FANCI: variants seen among roughly 807,000 people sequenced by gnomAD.
FANCI encodes the protein Fanconi anemia group I protein.
FANCI carries 156 observed loss-of-function variants against 176.1 expected under a neutral mutation model. The observed-to-expected ratio is 0.89, with a 90% confidence interval of 0.78 to 1.01. The LOEUF (loss-of-function observed/expected upper bound fraction) is 1.01, where lower values mean the gene tolerates loss of function less well. FANCI is among the 50% of genes least tolerant of loss of function. FANCI has a pLI of 0.00. For missense variants in FANCI, 1,678 were observed against 1,534.1 expected (o/e 1.09, Z -1.57); for synonymous variants, 613 against 541.7 (o/e 1.13, Z -1.83).
chr15:89,313,926 C>CACACACACACACACACAT, intron 35 of FANCI, among the ~76,000 whole-genome samples: 1 of 146,644 alleles, frequency 6.8e-6, no homozygotes, highest in East Asian at 2.0e-4. Context: ...CACACACACA[C>CACACACACACACACACAT]GTAGGACCTA....
chr15:89,297,765 GGGGAGA>G (rs1391053651), intron 24 of FANCI, among the ~76,000 whole-genome samples: 17 of 149,616 alleles, frequency 1.1e-4, no homozygotes, highest in African/African-American at 2.5e-4. Context: ...GGGAGACCGT[GGGGAGA>G]GGGAGGGGGA....
chr15:89,295,550 C>T (rs1226458724), intron 24 of FANCI, among the ~76,000 whole-genome samples: 2 of 152,058 alleles, frequency 1.3e-5, no homozygotes, highest in Non-Finnish European at 2.9e-5. Flanking sequence ...CCTGTCATAC[C>T]AGCTACTCGG....
At chr15:89,271,473 GTA>G (rs1238062231) in intron 10 of FANCI, among the ~76,000 whole-genome samples, 2 of 152,042 alleles carry the variant, frequency 1.3e-5, no homozygotes, top group Non-Finnish European at 2.9e-5. Flanking sequence ...GTGTTGTAGC[GTA>G]TGTCAGTATT....
At chr15:89,293,479 G>T (rs1329649863) in intron 22 of FANCI, among the ~76,000 whole-genome samples, 1 of 152,146 alleles carries the variant, frequency 6.6e-6, no homozygotes, top group East Asian at 1.9e-4. Context: ...TTGAGGTCAG[G>T]AGTTCAAGAC....
chr15:89,283,041 T>G (rs2053675317), intron 16 of FANCI, 95 bp from the exon 17 acceptor site: 1 of 1,166,652 alleles, frequency 8.6e-7, no homozygotes, highest in African/African-American at 1.5e-5. Flanking sequence ...TTTATACATA[T>G]GCCTTCTCTG....
intron 2 of FANCI, among the ~76,000 whole-genome samples, chr15:89,247,985 T>G (rs568635345): frequency 1.3e-5 from 2 of 152,330 alleles, no homozygotes; most frequent in East Asian, 3.9e-4. Context: ...CTTTTACAAC[T>G]GTATTTATAA....
intron 28 of FANCI, 65 bp downstream of exon 28, chr15:89,303,980 G>A: frequency 6.8e-7 from 1 of 1,468,476 alleles, no homozygotes; most frequent in Non-Finnish European, 9.5e-7. Context: ...GTGGCATTTG[G>A]AAAAGAAAAG....
At position 89,285,140 on chromosome 15, in the gene FANCI, A is replaced by G; in HGVS notation, c.1743A>G (p.Glu581=). 6.2e-7 allele frequency: 1 copy of G among 1,614,182 alleles called. No homozygotes were observed. Among genetic ancestry groups the G allele is most frequent in the Non-Finnish European group, 8.5e-7 (1 of 1,180,034 alleles). ...GCCATTACAATTCTGTCGCCAATGA[A>G]ACTTTTTGCCTTGAGATCATGGATA... The part of the protein sequence containing the change: ...VHSHYNSVAN[E]TFCLEIMDSL... Residue 581 remains glutamate (E), a synonymous_variant, in exon 18 of 38, where the codon GAA becomes GAG. Coordinates refer to ENST00000310775, the MANE Select transcript of FANCI (RefSeq NM_001113378.2).
chr15:89,247,544 A>C (rs1352104708), intron 1 of FANCI, 85 bp from the exon 2 acceptor site: 1 of 934,574 alleles, frequency 1.1e-6, no homozygotes, highest in Non-Finnish European at 1.8e-6. Flanking sequence ...ATAGGTATGA[A>C]ATATTCAGTT....
chr15:89,305,235 T>G lies in FANCI; in HGVS notation c.3179T>G (p.Ile1060Arg), dbSNP rs201376236. 1 of 1,614,242 alleles carries G rather than the reference T, an allele frequency of 6.2e-7. No homozygotes were observed. The highest frequency in any genetic ancestry group is 1.1e-5 in the South Asian group (1 of 91,088). ...SQDIHGHLGD[I>R]DQDVEVEKTN... ...GATATCCACGGGCATCTGGGAGATA[T>G]AGACCAGGTACTATAATGAGCCTTC... The change falls in exon 29 of 38, where the codon ATA becomes AGA. Residue 1060 changes from isoleucine to arginine, a missense_variant. Coordinates refer to ENST00000310775, the MANE Select transcript of FANCI (RefSeq NM_001113378.2).
chr15:89,297,643 C>G (rs1017456961), intron 24 of FANCI, among the ~76,000 whole-genome samples: 1 of 151,860 alleles, frequency 6.6e-6, no homozygotes, highest in Non-Finnish European at 1.5e-5. Flanking sequence ...TGCAGGCACT[C>G]GGCAGGCTGA....
chr15:89,295,732 G>GCCCC lies in FANCI; in HGVS notation c.2636+643_2636+646dup, dbSNP rs150758657. ...TTTTCTAGTCTTGCCTTCCCCTGGC[G>GCCCC]CCCCCCCCACCTTTTTTTTTTTGTT... On this transcript the variant is annotated intron_variant, in intron 24 of 37. Transcript: ENST00000310775. 7.1e-4 allele frequency among the ~76,000 whole-genome samples: 81 copies of GCCCC among 114,438 alleles called. 5 individuals are homozygous for GCCCC. The highest frequency in any genetic ancestry group is 9.6e-4 in the African/African-American group (30 of 31,174). The allele number at this position is 114,438 out of a possible 152,430, so 75.1% of individuals were successfully genotyped here. A position where few individuals can be genotyped will look rare whatever the true frequency, so the allele number is the denominator to read the frequency against.
rs1396963065 is a variant in FANCI at position 89,292,667 on chromosome 15, T to C, written c.1993-21T>C. On this transcript the variant is annotated intron_variant, in intron 20 of 37. Transcript: ENST00000310775. Reference sequence around the variant, plus strand: ...TCCATCAACACTCAAGAGTATTTAATTTACTTATTTTCTCCTACAGGATTA... The same window carrying C: ...TCCATCAACACTCAAGAGTATTTAACTTACTTATTTTCTCCTACAGGATTA... The C allele has an allele frequency of 1.9e-6, 3 of 1,610,822 alleles. No individual in the cohort carries two copies. In the Admixed American group the frequency reaches 5.0e-5, roughly 27 times the overall value.
At position 89,316,657 on chromosome 15, in the gene FANCI, C is replaced by T. The variant is rs2055275575; in HGVS notation, c.*198C>T. On this transcript the variant is annotated 3_prime_UTR_variant, in exon 38 of 38. Coordinates refer to ENST00000310775, the MANE Select transcript of FANCI (RefSeq NM_001113378.2). ...AAAAATGGCTGGCCTTAGGCAAGCCCTTTTGCAAAAAGCACAGCTGAAAGC... is the reference window on the plus strand; with the variant it reads ...AAAAATGGCTGGCCTTAGGCAAGCCTTTTTGCAAAAAGCACAGCTGAAAGC... The T allele has an allele frequency of 3.7e-5, 46 of 1,239,556 alleles. No homozygotes were observed. Among genetic ancestry groups the T allele is most frequent in the Admixed American group, 2.1e-4 (12 of 57,740 alleles). The allele number at this position is 1,239,556 out of a possible 1,614,324, so 76.8% of individuals were successfully genotyped here. A position where few individuals can be genotyped will look rare whatever the true frequency, so the allele number is the denominator to read the frequency against.
At chr15:89,245,330 A>T (rs1166910226) in intron 1 of FANCI, 1 of 106,672 alleles carries the variant, frequency 9.4e-6, no homozygotes, top group Non-Finnish European at 1.9e-5. Context: ...CGTCACGCCC[A>T]GCTATTTTTT....
At chr15:89,260,012 G>A (rs574777855) in intron 3 of FANCI, among the ~76,000 whole-genome samples, 3 of 146,246 alleles carry the variant, frequency 2.1e-5, no homozygotes, top group East Asian at 2.0e-4. Context: ...TGGAATTGCC[G>A]GATCATGTGG....
chr15:89,294,135 C>T, intron 23 of FANCI, 138 bp downstream of exon 23: 1 of 970,520 alleles, frequency 1.0e-6, no homozygotes, highest in Non-Finnish European at 1.6e-6. Flanking sequence ...GAAATAAAAG[C>T]TGGACAATCC....
chr15:89,315,694 T>G (rs1433400566), intron 37 of FANCI, among the ~76,000 whole-genome samples: 1 of 151,472 alleles, frequency 6.6e-6, no homozygotes, highest in African/African-American at 2.4e-5. Flanking sequence ...GCTATAGCAG[T>G]CTGGCTCAGA....
At chr15:89,312,816 T>TAAAAAAA in intron 34 of FANCI, 88 bp from the exon 35 acceptor site, 1 of 864,268 alleles carries the variant, frequency 1.2e-6, no homozygotes, top group Admixed American at 2.8e-5. Context: ...AGCTCTGTCT[T>TAAAAAAA]AAAAAAAAAA....
Sources: gnomAD v4.1 joint callset for allele counts (sites outside exome capture counted in the v4.1 genomes callset) on GRCh38, gnomAD v4.1.1 for gene constraint, MANE v1.5 for transcripts, NCBI Gene and HGNC (gene_info 2026-07-23, HGNC 2026-07-21) for gene names.